The following RAP1GAP2 variants were observed in gnomAD, a reference collection of about 807,000 sequenced individuals.
RAP1GAP2 encodes the protein RAP1 GTPase activating protein 2, also known as rap1 GTPase-activating protein 2.
Under a neutral mutation model 95.0 loss-of-function variants are expected in RAP1GAP2, and 27 were observed. The ratio of observed to expected loss-of-function variants is 0.28; its 90% CI spans 0.21 to 0.39. RAP1GAP2 has a LOEUF of 0.39. Among genes scored for constraint, RAP1GAP2 ranks in the 10% least tolerant of loss-of-function variants. The probability of loss-of-function intolerance (pLI) is 1.00; values close to 1 mark genes in which losing one functional copy is unlikely to be tolerated. For synonymous variants in RAP1GAP2, 373 were observed against 380.9 expected (o/e 0.98, Z 0.24); for missense variants, 771 against 970.0 (o/e 0.79, Z 2.72).
At chr17:2,915,133 G>A (rs2042532465) in intron 3 of RAP1GAP2, among the ~76,000 whole-genome samples, 1 of 152,026 alleles carries the variant, frequency 6.6e-6, no homozygotes, top group African/African-American at 2.4e-5. Context: ...TATGTCGCCC[G>A]GGTTGGTCTC....
Position 3,027,755 on chromosome 17 carries a change from A to C in RAP1GAP2, c.2107+685A>C, listed in dbSNP as rs1300257521. The stretch of plus-strand genomic sequence containing the variant: ...GCAGCTGCTGAGTGTAGAATGGATT[A>C]GTAGAGAGCAGGAGCAGAGGGGAGG... On this transcript the variant is annotated intron_variant, in intron 22 of 24. Transcript: ENST00000254695. The surrounding 1 kb of genome is among the most constrained non-coding windows in gnomAD (Gnocchi z 5.2). Among the ~76,000 whole-genome samples, 2 of 115,190 alleles carry C rather than the reference A, an allele frequency of 1.7e-5. No homozygotes were observed. Among genetic ancestry groups the C allele is most frequent in the Non-Finnish European group, 3.4e-5 (2 of 59,228 alleles). 75.6% of individuals were successfully genotyped at this position (115,190 alleles called of 152,430 possible). A position where few individuals can be genotyped will look rare whatever the true frequency, so the allele number is the denominator to read the frequency against.
chr17:2,965,443 T>TG lies in RAP1GAP2; in HGVS notation c.493-96dup. On this transcript the variant is annotated intron_variant, in intron 7 of 24. Coordinates refer to ENST00000254695, the MANE Select transcript of RAP1GAP2 (RefSeq NM_015085.5). This position sits in a 1 kb window ranked among gnomAD's most constrained non-coding sequence, Gnocchi z 4.7. Reference sequence around the variant, plus strand: ...TCAGTAGCATCCTTCTCTTCCTTGTTGCTGTGGGGCTTCTCCTGGTGAAGG... The same window carrying TG: ...TCAGTAGCATCCTTCTCTTCCTTGTTGGCTGTGGGGCTTCTCCTGGTGAAGG... The TG allele has an allele frequency of 1.2e-6, 1 of 868,982 alleles. No homozygotes were observed. The highest frequency in any genetic ancestry group is 1.7e-5 in the African/African-American group (1 of 59,764). 53.8% of individuals were successfully genotyped at this position (868,982 alleles called of 1,614,324 possible). A position where few individuals can be genotyped will look rare whatever the true frequency, so the allele number is the denominator to read the frequency against.
chr17:2,813,132 T>C (rs1204737728), intron 2 of RAP1GAP2, among the ~76,000 whole-genome samples: 1 of 150,298 alleles, frequency 6.7e-6, no homozygotes, highest in East Asian at 2.0e-4. Context: ...AGTGCAGTGG[T>C]GCAATCTTGG....
chr17:2,896,007 C>A (rs920958151), intron 2 of RAP1GAP2, among the ~76,000 whole-genome samples: 1 of 152,166 alleles, frequency 6.6e-6, no homozygotes, highest in East Asian at 1.9e-4. Context: ...CCCTCCCCTT[C>A]CCCGCTTCTC....
At chr17:2,806,626 A>G (rs1159452665) in intron 2 of RAP1GAP2, among the ~76,000 whole-genome samples, 4 of 148,660 alleles carry the variant, frequency 2.7e-5, no homozygotes, top group Non-Finnish European at 6.0e-5. Context: ...TGAACTCGTG[A>G]CCTCAGATGA....
chr17:2,995,754 GC>G (rs906923746), intron 13 of RAP1GAP2, among the ~76,000 whole-genome samples: 4 of 152,160 alleles, frequency 2.6e-5, no homozygotes, highest in African/African-American at 9.7e-5. Context: ...GAAAACTGCA[GC>G]CCATGGTGGT....
chr17:2,946,160 A>T (rs56139401), intron 3 of RAP1GAP2, among the ~76,000 whole-genome samples: 3,303 of 152,316 alleles, frequency 0.022, 58 homozygotes, highest in Non-Finnish European at 0.033. Flanking sequence ...GTCATGGAAT[A>T]TAACAGTACG....
In RAP1GAP2 at chr17:2,941,667, G is replaced by GT. The variant is rs1452566233; in HGVS notation, c.166-16092_166-16091insT. Among the ~76,000 whole-genome samples the GT allele has an allele frequency of 1.8e-3, 151 of 86,038 alleles. 2 individuals carry two copies. Among genetic ancestry groups the GT allele is most frequent in the Middle Eastern group, 0.015 (3 of 194 alleles). The allele number at this position is 86,038 out of a possible 152,430, so 56.4% of individuals were successfully genotyped here. ...ATCAAGACATCAGTGATGACTCTTG[G>GT]GTTTTTTTTTTTTTTTTGAGACAGA... On this transcript the variant is annotated intron_variant, in intron 3 of 24. Coordinates refer to ENST00000254695, the MANE Select transcript of RAP1GAP2 (RefSeq NM_015085.5).
chr17:2,957,425 G>A (rs553007188), intron 3 of RAP1GAP2, among the ~76,000 whole-genome samples: 23 of 152,302 alleles, frequency 1.5e-4, no homozygotes, highest in East Asian at 5.8e-4. Context: ...GGCTCCTGCC[G>A]GAGGCTGAAT....
At chr17:2,785,238 C>A (rs548493232) in intron 1 of RAP1GAP2, among the ~76,000 whole-genome samples, 2 of 152,142 alleles carry the variant, frequency 1.3e-5, no homozygotes, top group African/African-American at 4.8e-5. Context: ...CTCCTCTGAG[C>A]CTTCCCTGAA....
chr17:2,898,509 T>G (rs2041915413), intron 2 of RAP1GAP2, among the ~76,000 whole-genome samples: 1 of 152,192 alleles, frequency 6.6e-6, no homozygotes, highest in Non-Finnish European at 1.5e-5. Flanking sequence ...TGCCCGCATC[T>G]CCATGTCTGT....
At chr17:2,819,937 A>G (rs1172790706) in intron 2 of RAP1GAP2, among the ~76,000 whole-genome samples, 2 of 151,036 alleles carry the variant, frequency 1.3e-5, no homozygotes, top group Non-Finnish European at 2.9e-5. Flanking sequence ...AGCATGCACC[A>G]CCATGCTTGG....
At chr17:2,883,193 C>G (rs772617749) in intron 2 of RAP1GAP2, among the ~76,000 whole-genome samples, 77 of 152,318 alleles carry the variant, frequency 5.1e-4, no homozygotes, top group Non-Finnish European at 9.3e-4. Context: ...AGAGGATGGT[C>G]TTTTGGGAGG....
intron 17 of RAP1GAP2, among the ~76,000 whole-genome samples, chr17:3,015,512 C>G (rs1309758593): frequency 1.3e-5 from 2 of 152,100 alleles, no homozygotes; most frequent in Non-Finnish European, 2.9e-5. Flanking sequence ...TTGCTGTAGA[C>G]CCAGCTCTTC....
At chr17:2,850,542 A>T (rs1278347014) in intron 2 of RAP1GAP2, among the ~76,000 whole-genome samples, 3 of 149,272 alleles carry the variant, frequency 2.0e-5, no homozygotes, top group Non-Finnish European at 1.5e-5. Context: ...AGGTCAGGAG[A>T]TCGAGACCAT....
At chr17:2,900,691 T>C (rs1176468545) in intron 2 of RAP1GAP2, among the ~76,000 whole-genome samples, 2 of 152,086 alleles carry the variant, frequency 1.3e-5, no homozygotes, top group African/African-American at 4.8e-5. Context: ...ATCTGCCCAC[T>C]TTTGCCTCCC....
chr17:2,964,813 T>C (rs1409188211), intron 7 of RAP1GAP2: 1 of 152,426 alleles, frequency 6.6e-6, no homozygotes, highest in Non-Finnish European at 1.5e-5. Flanking sequence ...TTTAAAAGAA[T>C]AGATTCTGCC....
chr17:2,769,676 C>T (rs1363820925), intron 1 of RAP1GAP2, among the ~76,000 whole-genome samples: 1 of 152,190 alleles, frequency 6.6e-6, no homozygotes, highest in Non-Finnish European at 1.5e-5. Context: ...TTGCCTGATG[C>T]CTGAATTGCC....
At chr17:2,769,714 G>A (rs990799607) in intron 1 of RAP1GAP2, among the ~76,000 whole-genome samples, 2 of 152,136 alleles carry the variant, frequency 1.3e-5, no homozygotes, top group Non-Finnish European at 2.9e-5. Context: ...CATACCTCCA[G>A]TGACGGGGAA....
Sources: gnomAD v4.1 joint callset for allele counts (sites outside exome capture counted in the v4.1 genomes callset) on GRCh38, gnomAD v4.1.1 for gene constraint, Gnocchi (gnomAD v3.1) non-coding constraint, MANE v1.5 for transcripts, NCBI Gene and HGNC (gene_info 2026-07-23, HGNC 2026-07-21) for gene names.